ZNF692: variants seen among roughly 807,000 people sequenced by gnomAD.
ZNF692 encodes the protein AICAR responsive element binding protein.
Under a neutral mutation model 49.0 loss-of-function variants are expected in ZNF692, and 41 were observed. That is an observed-to-expected ratio of 0.84 (90% CI 0.65 to 1.08). ZNF692 has a LOEUF of 1.08. Ranked by LOEUF, ZNF692 falls within the 50% of genes least tolerant of loss-of-function variation. The probability of loss-of-function intolerance (pLI) is 0.00; values close to 1 mark genes in which losing one functional copy is unlikely to be tolerated. For synonymous variants in ZNF692, 288 were observed against 251.5 expected (o/e 1.15, Z -1.37); for missense variants, 662 against 662.2 (o/e 1.00, Z 0.00).
At chr1:248,856,116 T>C in intron 6 of ZNF692, 170 bp from the exon 7 acceptor site, 1 of 1,220,334 alleles carries the variant, frequency 8.2e-7, no homozygotes, top group Non-Finnish European at 1.1e-6. Context: ...TGCACCTGAC[T>C]TCACCCCTTT....
chr1:248,856,158 T>C lies in ZNF692; in HGVS notation c.659+130A>G, dbSNP rs544326982. The C allele has an allele frequency of 2.1e-6, 3 of 1,454,188 alleles. No individual in the cohort carries two copies. The African/African-American group carries it at 4.3e-5, about 21-fold the overall frequency. The allele number at this position is 1,454,188 out of a possible 1,614,324, so 90.1% of individuals were successfully genotyped here. ...CCTCAGTTCAAAGCCTCTAGTTCTT[T>C]TTGCCTTCCCCAAAACCCACCCTTC... On this transcript the variant is annotated intron_variant, in intron 6 of 11. Transcript: ENST00000306601.
chr1:248,858,035 C>G lies in ZNF692; in HGVS notation c.179+96G>C. On this transcript the variant is annotated intron_variant, in intron 2 of 11. Coordinates refer to ENST00000306601, the MANE Select transcript of ZNF692 (RefSeq NM_017865.4). This position sits in a 1 kb window ranked among gnomAD's most constrained non-coding sequence, Gnocchi z 4.3. ...AGGCCGTCCTGGTAAAGTGAGAAAC[C>G]TGAGGGTGGAAAAGAGCAGCAGGAC... is the stretch of plus-strand genomic sequence containing the variant. 1 of 1,546,708 alleles carries G rather than the reference C, an allele frequency of 6.5e-7. No homozygotes were observed. The highest frequency in any genetic ancestry group is 8.7e-7 in the Non-Finnish European group (1 of 1,151,630).
rs1421739682 is a variant in ZNF692 at position 248,854,006 on chromosome 1, G to A, written c.1084C>T (p.Pro362Ser). The A allele has an allele frequency of 6.2e-7, 1 of 1,614,092 alleles. No individual in the cohort carries two copies. The highest frequency in any genetic ancestry group is 2.2e-5 in the East Asian group (1 of 44,894). The change falls in exon 10 of 12, where the codon CCA becomes TCA. Residue 362 changes from proline (P) to serine (S), a missense_variant. Physicochemically the swap from Pro to Ser is moderately conservative, Grantham distance 74. Transcript: ENST00000306601. Reference sequence around the variant, plus strand: ...AAAGACTTCCCACAGGCTGGCTCTGGGCAGGAGAAAGACTTCTGGTGGATG... The same window carrying A: ...AAAGACTTCCCACAGGCTGGCTCTGAGCAGGAGAAAGACTTCTGGTGGATG... ...QHIHQKSFSC[P>S]EPACGKSFNF...
rs183419698 is a variant in ZNF692 at position 248,854,921 on chromosome 1, G to T, written c.1038+459C>A. ...CCCTCACCTCACCATCCCAGTGTCT[G>T]TGGCCCTCCCCAGCCTTGGTACCTG... is the stretch of plus-strand genomic sequence containing the variant. On this transcript the variant is annotated intron_variant, in intron 9 of 11. Transcript: ENST00000306601. Among the ~76,000 whole-genome samples the T allele has an allele frequency of 2.8e-4, 43 of 152,292 alleles. 2 individuals carry two copies. The South Asian group carries it at 4.8e-3, about 17-fold the overall frequency.
At position 248,858,112 on chromosome 1, in the gene ZNF692, C is replaced by T; in HGVS notation, c.179+19G>A. The stretch of plus-strand genomic sequence containing the variant: ...GCTGCCTGGGTACCCTCCCCCAAGC[C>T]CTTCTCCCGGCCCCTAACCGGTCCA... On this transcript the variant is annotated intron_variant, in intron 2 of 11. Transcript: ENST00000306601. This position sits in a 1 kb window ranked among gnomAD's most constrained non-coding sequence, Gnocchi z 4.3. 1 of 1,558,560 alleles carries T rather than the reference C, an allele frequency of 6.4e-7. No individual in the cohort carries two copies. Among genetic ancestry groups the T allele is most frequent in the Non-Finnish European group, 8.7e-7 (1 of 1,155,450 alleles).
rs756294770 is a variant in ZNF692, at chr1:248,850,249, A to T, written c.1521T>A (p.Ser507=). The change falls in exon 12 of 12, where the codon TCT becomes TCA. Residue 507 remains serine, a synonymous_variant. Transcript: ENST00000306601. ...GCAGGGTTGGAGCCTGAGGAGATGC[A>T]GAGGGCCTGGACCCCTCGCTGGATC... ...PLGSSEGSRP[S]ASPQAPTLLP... is the part of the protein sequence containing the mutation. 1 of 1,561,200 alleles carries T rather than the reference A, an allele frequency of 6.4e-7. No individual in the cohort carries two copies. Among genetic ancestry groups the T allele is most frequent in the African/African-American group, 1.4e-5 (1 of 73,212 alleles).
Position 248,858,720 on chromosome 1 carries a change from G to A in ZNF692, c.-13+198C>T. Reference sequence around the variant, plus strand: ...TAGGGGAAGGAAAGGTCGTGTCCTGGCGTGCAGCTGGGGGCGCTCTTCATA... The same window carrying A: ...TAGGGGAAGGAAAGGTCGTGTCCTGACGTGCAGCTGGGGGCGCTCTTCATA... On this transcript the variant is annotated intron_variant, in intron 1 of 11. Coordinates refer to ENST00000306601, the MANE Select transcript of ZNF692 (RefSeq NM_017865.4). This position sits in a 1 kb window ranked among gnomAD's most constrained non-coding sequence, Gnocchi z 4.3. The A allele has an allele frequency of 2.9e-6, 2 of 701,146 alleles. No individual in the cohort carries two copies. Among genetic ancestry groups the A allele is most frequent in the Non-Finnish European group, 4.9e-6 (2 of 406,630 alleles). The allele number at this position is 701,146 out of a possible 1,614,324, so 43.4% of individuals were successfully genotyped here. A position where few individuals can be genotyped will look rare whatever the true frequency, so the allele number is the denominator to read the frequency against.
In ZNF692 at chr1:248,857,844, G is replaced by T. The variant is rs1558261056; in HGVS notation, c.195C>A (p.Gly65=). ...CCTACCTACCTGCACAGAGGACACA[G>T]CCTGAAGAAGTGTACCTGCCAGCAG... ...KFLLDRYTSS[G]CVLCAGPEPL... The change falls in exon 3 of 12, where the codon GGC becomes GGA. Residue 65 remains glycine (G), a synonymous_variant. Coordinates refer to ENST00000306601, the MANE Select transcript of ZNF692 (RefSeq NM_017865.4). The T allele has an allele frequency of 1.2e-6, 2 of 1,614,024 alleles. No homozygotes were observed. Among genetic ancestry groups the T allele is most frequent in the Non-Finnish European group, 1.7e-6 (2 of 1,179,954 alleles).
intron 11 of ZNF692, 71 bp downstream of exon 11, chr1:248,850,611 A>G: frequency 6.2e-7 from 1 of 1,603,238 alleles, no homozygotes; most frequent in Non-Finnish European, 8.5e-7. Flanking sequence ...TAGGTGTCCT[A>G]TATGCCTAGC....
intron 11 of ZNF692, 21 bp from the exon 12 acceptor site, chr1:248,850,537 G>C: frequency 2.5e-6 from 4 of 1,596,088 alleles, no homozygotes; most frequent in Non-Finnish European, 3.4e-6. Flanking sequence ...GGACAGAAGA[G>C]GGAAGGAACA....
At chr1:248,850,650 C>G in intron 11 of ZNF692, 32 bp downstream of exon 11, 2 of 1,612,666 alleles carry the variant, frequency 1.2e-6, no homozygotes, top group Non-Finnish European at 1.7e-6. Flanking sequence ...CCCTTCTAGC[C>G]CCTGGCCCTC....
In ZNF692 at chr1:248,858,194, C is replaced by A; in HGVS notation, c.116G>T (p.Cys39Phe). The change falls in exon 2 of 12, where the codon TGC becomes TTC. Residue 39 changes from cysteine to phenylalanine, a missense_variant. By Grantham distance (205) the Cys-to-Phe change is radical (BLOSUM62 -2). Coordinates refer to ENST00000306601, the MANE Select transcript of ZNF692 (RefSeq NM_017865.4). This position sits in a 1 kb window ranked among gnomAD's most constrained non-coding sequence, Gnocchi z 4.3. Reference sequence around the variant, plus strand: ...GAAGCCCAGCCGCTCCTTGAGGAGGCACCACTGCTCCATGTGGCCGCCCAG... The same window carrying A: ...GAAGCCCAGCCGCTCCTTGAGGAGGAACCACTGCTCCATGTGGCCGCCCAG... ...IRLGGHMEQWCLLKERLGFSL... is the reference protein window; with the variant it reads ...IRLGGHMEQWFLLKERLGFSL... 6.3e-7 allele frequency: 1 copy of A among 1,586,324 alleles called. No individual in the cohort carries two copies. Among genetic ancestry groups the A allele is most frequent in the South Asian group, 1.1e-5 (1 of 90,468 alleles).
At position 248,857,323 on chromosome 1, in the gene ZNF692, G is replaced by A. The variant is rs1197164245; in HGVS notation, c.386C>T (p.Thr129Ile). Reference sequence around the variant, plus strand: ...GGCTGGCTTGGGTGCCTCTGAAGGTGTAGGGCTCAAAGAGGGTCCCCAGGA... The same window carrying A: ...GGCTGGCTTGGGTGCCTCTGAAGGTATAGGGCTCAAAGAGGGTCCCCAGGA... Reference protein sequence around the residue: ...TFSWGPSLSPTPSEAPKPASL... With the variant: ...TFSWGPSLSPIPSEAPKPASL... Residue 129 changes from threonine (T) to isoleucine (I), a missense_variant, in exon 4 of 12, where the codon ACA becomes ATA. Thr to Ile is a moderately conservative substitution (Grantham distance 89, BLOSUM62 -1). Coordinates refer to ENST00000306601, the MANE Select transcript of ZNF692 (RefSeq NM_017865.4). 3 of 1,614,164 alleles carry A rather than the reference G, an allele frequency of 1.9e-6. No individual in the cohort carries two copies. In the East Asian group the frequency reaches 6.7e-5, roughly 36 times the overall value.
At chr1:248,856,702 G>T in intron 4 of ZNF692, 140 bp from the exon 5 acceptor site, 1 of 1,031,356 alleles carries the variant, frequency 9.7e-7, no homozygotes, top group Non-Finnish European at 1.4e-6. Context: ...TGCCCAGGCT[G>T]GTCTCAAACC....
intron 10 of ZNF692, 132 bp downstream of exon 10, chr1:248,853,805 A>T: frequency 1.5e-6 from 1 of 649,208 alleles, no homozygotes; most frequent in Non-Finnish European, 2.7e-6. Flanking sequence ...AGGGAGGTGA[A>T]GAAACCCACA....
In ZNF692 at chr1:248,858,058, G is replaced by C; in HGVS notation, c.179+73C>G. On this transcript the variant is annotated intron_variant, in intron 2 of 11. Coordinates refer to ENST00000306601, the MANE Select transcript of ZNF692 (RefSeq NM_017865.4). This position sits in a 1 kb window ranked among gnomAD's most constrained non-coding sequence, Gnocchi z 4.3. The stretch of plus-strand genomic sequence containing the variant: ...ACCTGAGGGTGGAAAAGAGCAGCAG[G>C]ACAGGCCCTGGAGAGGAGGCTAGGG... 6.4e-7 allele frequency: 1 copy of C among 1,553,116 alleles called. No homozygotes were observed.
At chr1:248,856,487 C>T (rs757372080) in intron 5 of ZNF692, 27 bp downstream of exon 5, 1 of 1,614,252 alleles carries the variant, frequency 6.2e-7, no homozygotes, top group Non-Finnish European at 8.5e-7. Context: ...TGCAATTCCG[C>T]CTTTTCTCTC....
Position 248,850,271 on chromosome 1 carries a change from G to T in ZNF692, c.1499C>A (p.Ser500Tyr). 6 of 1,600,258 alleles carry T rather than the reference G, an allele frequency of 3.7e-6. No individual in the cohort carries two copies. Among genetic ancestry groups the T allele is most frequent in the Non-Finnish European group, 5.1e-6 (6 of 1,171,726 alleles). The change falls in exon 12 of 12, where the codon TCC (serine) becomes TAC (tyrosine). Residue 500 changes from serine (S) to tyrosine (Y), a missense_variant. Transcript: ENST00000306601. ...PSISAPGPLGSSEGSRPSASP... is the reference protein window; with the variant it reads ...PSISAPGPLGYSEGSRPSASP... ...TGCAGAGGGCCTGGACCCCTCGCTGGATCCCAGAGGCCCAGGGGCAGAGAT... is the reference window on the plus strand; with the variant it reads ...TGCAGAGGGCCTGGACCCCTCGCTGTATCCCAGAGGCCCAGGGGCAGAGAT...
chr1:248,853,086 C>T (rs1659790983), intron 10 of ZNF692, among the ~76,000 whole-genome samples: 1 of 152,204 alleles, frequency 6.6e-6, no homozygotes, highest in Non-Finnish European at 1.5e-5. Flanking sequence ...CTGGAATCCT[C>T]CAAGTTACCC....
Sources: allele counts gnomAD v4.1 joint callset (sites outside exome capture counted in the v4.1 genomes callset), GRCh38; gene constraint gnomAD v4.1.1; non-coding constraint Gnocchi (gnomAD v3.1); transcripts MANE v1.5; gene names NCBI Gene and HGNC (gene_info 2026-07-23, HGNC 2026-07-21).